ADGRL3: variants seen among roughly 807,000 people sequenced by gnomAD.
ADGRL3 encodes calcium-independent alpha-latrotoxin receptor 3.
In ADGRL3, 62 loss-of-function variants were observed where a neutral mutation model predicts 153.5. The observed-to-expected ratio is 0.40, with a 90% confidence interval of 0.33 to 0.50. ADGRL3 has a LOEUF of 0.50. Ranked by LOEUF, ADGRL3 falls within the 20% of genes least tolerant of loss-of-function variation. ADGRL3 has a pLI of 0.47. For missense variants in ADGRL3, 1,641 were observed against 1,859.4 expected (o/e 0.88, Z 2.16); for synonymous variants, 710 against 672.5 (o/e 1.06, Z -0.86).
At chr4:61,349,543 T>C (rs1314778355) in intron 1 of ADGRL3, among the ~76,000 whole-genome samples, 1 of 152,056 alleles carries the variant, frequency 6.6e-6, no homozygotes, top group Non-Finnish European at 1.5e-5. Flanking sequence ...TAAAACAGTA[T>C]CCCTTTATAA....
rs116068199 is a variant in ADGRL3 at position 61,206,435 on chromosome 4, C to G, written c.-240+4670C>G. ...TGTTTTCAAAGTGTCCTCTGGGGAA[C>G]CCTGGGGATCTCTGACACCCTTTCA... On this transcript the variant is annotated intron_variant, in intron 1 of 26. Coordinates refer to ENST00000683033, the MANE Select transcript of ADGRL3 (RefSeq NM_001387552.1). Among the ~76,000 whole-genome samples, 968 of 152,268 alleles carry G rather than the reference C, an allele frequency of 6.4e-3. 10 individuals are homozygous for G. The highest frequency in any genetic ancestry group is 0.021 in the African/African-American group (876 of 41,530).
At chr4:61,908,168 A>G (rs894278600) in intron 11 of ADGRL3, among the ~76,000 whole-genome samples, 1 of 152,066 alleles carries the variant, frequency 6.6e-6, no homozygotes, top group Non-Finnish European at 1.5e-5. Context: ...TCCCAGCTAC[A>G]TTGGAGGATG....
chr4:62,029,731 G>A (rs1308598270), intron 22 of ADGRL3, among the ~76,000 whole-genome samples: 1 of 148,528 alleles, frequency 6.7e-6, no homozygotes, highest in Non-Finnish European at 1.5e-5. Context: ...AGAAATCGGG[G>A]CTCATTGCAG....
intron 1 of ADGRL3, among the ~76,000 whole-genome samples, chr4:61,266,914 T>C (rs1405577532): frequency 6.6e-6 from 1 of 151,706 alleles, no homozygotes; most frequent in Non-Finnish European, 1.5e-5. Context: ...TTAATGGAAA[T>C]ATGCTGGACT....
At chr4:61,850,348 A>C (rs2098187300) in intron 9 of ADGRL3, among the ~76,000 whole-genome samples, 1 of 152,116 alleles carries the variant, frequency 6.6e-6, no homozygotes, top group Non-Finnish European at 1.5e-5. Context: ...GCACCAACCT[A>C]ATGTGTAATA....
chr4:61,579,591 A>C (rs536353533), intron 4 of ADGRL3: 1 of 514,546 alleles, frequency 1.9e-6, no homozygotes, highest in South Asian at 1.4e-5. Flanking sequence ...GCCCTCAAAA[A>C]GGATGAGGTT....
chr4:61,531,186 G>A (rs908234506), intron 4 of ADGRL3, among the ~76,000 whole-genome samples: 1 of 152,190 alleles, frequency 6.6e-6, no homozygotes, highest in African/African-American at 2.4e-5. Context: ...GAAAATGAGT[G>A]TGTGTGTATA....
intron 2 of ADGRL3, among the ~76,000 whole-genome samples, chr4:61,458,282 C>T (rs1237029832): frequency 4.6e-5 from 7 of 151,052 alleles, no homozygotes; most frequent in Non-Finnish European, 1.0e-4. Flanking sequence ...TTATTTATTT[C>T]ACCTATAATT....
chr4:62,039,029 TTTC>T (rs1425337744), intron 24 of ADGRL3, among the ~76,000 whole-genome samples: 10 of 152,210 alleles, frequency 6.6e-5, no homozygotes, highest in Non-Finnish European at 1.5e-4. Context: ...AGAATTAATT[TTTC>T]TTAACTCTTT....
At chr4:61,876,964 C>G (rs536801006) in intron 9 of ADGRL3, among the ~76,000 whole-genome samples, 20 of 148,876 alleles carry the variant, frequency 1.3e-4, no homozygotes, top group African/African-American at 4.9e-4. Context: ...TGAGAAGGGA[C>G]CTTTTAAGTA....
chr4:61,382,577 T>C (rs747177098), intron 1 of ADGRL3, among the ~76,000 whole-genome samples: 9 of 151,812 alleles, frequency 5.9e-5, no homozygotes, highest in Non-Finnish European at 1.2e-4. Flanking sequence ...TACATTTCTG[T>C]TTATTTCTTT....
chr4:61,685,169 C>A (rs1006252845), intron 6 of ADGRL3, among the ~76,000 whole-genome samples: 3 of 152,050 alleles, frequency 2.0e-5, no homozygotes, highest in Admixed American at 6.6e-5. Context: ...CCACCCACCT[C>A]GGCCTCCCAA....
intron 5 of ADGRL3, among the ~76,000 whole-genome samples, chr4:61,642,903 A>C (rs2093754901): frequency 6.6e-6 from 1 of 152,138 alleles, no homozygotes. Context: ...CACGATATTG[A>C]TTCTTCCTAC....
intron 5 of ADGRL3, among the ~76,000 whole-genome samples, chr4:61,589,440 TG>T (rs1325791951): frequency 1.3e-5 from 2 of 152,138 alleles, no homozygotes; most frequent in Admixed American, 6.6e-5. Flanking sequence ...AACCACAGCA[TG>T]TTAAATAATG....
chr4:61,408,012 T>C (rs922302585), intron 2 of ADGRL3, among the ~76,000 whole-genome samples: 2 of 152,044 alleles, frequency 1.3e-5, no homozygotes, highest in African/African-American at 4.8e-5. Flanking sequence ...CTATATTACG[T>C]CATTTCTGAA....
intron 1 of ADGRL3, among the ~76,000 whole-genome samples, chr4:61,266,879 T>C (rs1373396814): frequency 1.3e-5 from 2 of 151,684 alleles, no homozygotes; most frequent in East Asian, 1.9e-4. Context: ...AATAAGGTAG[T>C]GGAGAGTTCA....
intron 1 of ADGRL3, among the ~76,000 whole-genome samples, chr4:61,221,068 C>G (rs1745243772): frequency 6.6e-6 from 1 of 152,074 alleles, no homozygotes; most frequent in Non-Finnish European, 1.5e-5. Context: ...TTTAAGAAAA[C>G]AGTGTCACTA....
intron 1 of ADGRL3, among the ~76,000 whole-genome samples, chr4:61,280,214 A>G (rs2093665792): frequency 6.8e-6 from 1 of 146,496 alleles, no homozygotes; most frequent in African/African-American, 2.5e-5. Flanking sequence ...GGTCCAAGCG[A>G]TTCTCCTGAC....
chr4:61,385,266 C>T (rs1169810431), intron 2 of ADGRL3: 1 of 151,974 alleles, frequency 6.6e-6, no homozygotes, highest in African/African-American at 2.4e-5. Context: ...CCAACATCCC[C>T]CTGAATACTT....
Sources: gnomAD v4.1 joint callset for allele counts (sites outside exome capture counted in the v4.1 genomes callset) on GRCh38, gnomAD v4.1.1 for gene constraint, MANE v1.5 for transcripts, NCBI Gene and HGNC (gene_info 2026-07-23, HGNC 2026-07-21) for gene names.